Variants in HTR2C observed in about 807,000 individuals in gnomAD.
HTR2C encodes the protein 5-hydroxytryptamine receptor 2C, also known as 5-hydroxytryptamine (serotonin) receptor 2C, G protein-coupled.
A neutral mutation model predicts 21.0 loss-of-function variants in HTR2C; 5 were observed. The observed-to-expected ratio is 0.24, with a 90% CI of 0.12 to 0.50. HTR2C has a LOEUF of 0.50. Among genes scored for constraint, HTR2C ranks in the 20% least tolerant of loss-of-function variants. The probability of loss-of-function intolerance (pLI) is 0.98; values close to 1 mark genes in which losing one functional copy is unlikely to be tolerated. For missense variants in HTR2C, 271 were observed against 371.2 expected (o/e 0.73, Z 2.22); for synonymous variants, 150 against 145.3 (o/e 1.03, Z -0.23).
rs139483059 is a variant in HTR2C at position 114,605,998 on chromosome X, G to C, written c.-146-7817G>C. On this transcript the variant is annotated intron_variant, in intron 1 of 5. Coordinates refer to ENST00000276198, the MANE Select transcript of HTR2C (RefSeq NM_000868.4). ...ATACGAGGTTGGGGTGCAGAAATAA[G>C]GGATTGGGGCACAGTGATAAGAGGT... 8.0e-3 allele frequency among the ~76,000 whole-genome samples: 859 copies of C among 107,465 alleles called. 10 individuals are homozygous for C. The highest frequency in any genetic ancestry group is 0.028 in the African/African-American group (824 of 29,308). 93.3% of individuals were successfully genotyped at this position (107,465 alleles called of 115,157 possible).
At chrX:114,597,023 G>A (rs1211316885) in intron 1 of HTR2C, among the ~76,000 whole-genome samples, 1 of 110,059 alleles carries the variant, frequency 9.1e-6, no homozygotes, top group African/African-American at 3.3e-5. Context: ...TTCGAGACCA[G>A]CCTGGCCTAC....
chrX:114,641,674 T>G (rs908506861), intron 2 of HTR2C, among the ~76,000 whole-genome samples: 1 of 112,244 alleles, frequency 8.9e-6, no homozygotes, highest in Non-Finnish European at 1.9e-5. Context: ...AGCAGAGAAG[T>G]ATGACTACAT....
chrX:114,703,337 G>T (rs1424172408), intron 2 of HTR2C, among the ~76,000 whole-genome samples: 1 of 109,780 alleles, frequency 9.1e-6, no homozygotes, highest in African/African-American at 3.3e-5. Flanking sequence ...AAATGTAAAA[G>T]AACAGAAATT....
At chrX:114,897,920 C>T (rs1247565102) in intron 5 of HTR2C, among the ~76,000 whole-genome samples, 1 of 111,882 alleles carries the variant, frequency 8.9e-6, no homozygotes, top group African/African-American at 3.3e-5. Flanking sequence ...GGGTATATAC[C>T]CAGTAATGGG....
chrX:114,680,697 C>G (rs1388464409), intron 2 of HTR2C, among the ~76,000 whole-genome samples: 1 of 111,376 alleles, frequency 9.0e-6, no homozygotes, highest in African/African-American at 3.3e-5. Flanking sequence ...TCTCTTGTTT[C>G]TAAGAAACAG....
At chrX:114,673,746 A>C (rs897269357) in intron 2 of HTR2C, among the ~76,000 whole-genome samples, 1 of 109,883 alleles carries the variant, frequency 9.1e-6, no homozygotes, top group Non-Finnish European at 1.9e-5. Flanking sequence ...TTTTAAAACT[A>C]TTTTTTTTCA....
intron 4 of HTR2C, among the ~76,000 whole-genome samples, chrX:114,748,961 A>C (rs1313476866): frequency 8.9e-6 from 1 of 111,983 alleles, no homozygotes; most frequent in Non-Finnish European, 1.9e-5. Context: ...ATTGATAAAG[A>C]ATATTCAGCA....
chrX:114,601,219 A>G lies in HTR2C; in HGVS notation c.-146-12596A>G, dbSNP rs782418297. 4.5e-5 allele frequency among the ~76,000 whole-genome samples: 5 copies of G among 111,223 alleles called. No homozygotes were observed. The South Asian group carries it at 1.9e-3, about 42-fold the overall frequency. On this transcript the variant is annotated intron_variant, in intron 1 of 5. Transcript: ENST00000276198. ...CAATTTAAGCAAGAAGACAGTTGAG[A>G]GGAAGAGATAGGCTTGCAAATCAAG...
chrX:114,690,856 A>G (rs992993846), intron 2 of HTR2C, among the ~76,000 whole-genome samples: 2 of 111,624 alleles, frequency 1.8e-5, no homozygotes, highest in African/African-American at 6.5e-5. Flanking sequence ...TGGAAAACAT[A>G]TGACTTATAC....
In HTR2C at chrX:114,807,436, CATATATATACCATATATATACGCCAT is replaced by C. The variant is rs1556450837; in HGVS notation, c.350-40545_350-40520del. Among the ~76,000 whole-genome samples the C allele has an allele frequency of 3.9e-4, 29 of 74,388 alleles. 1 individual carries two copies. Among genetic ancestry groups the C allele is most frequent in the Admixed American group, 1.7e-3 (9 of 5,446 alleles). The allele number at this position is 74,388 out of a possible 115,157, so 64.6% of individuals were successfully genotyped here. On this transcript the variant is annotated intron_variant, in intron 4 of 5. Coordinates refer to ENST00000276198, the MANE Select transcript of HTR2C (RefSeq NM_000868.4). Reference sequence around the variant, plus strand: ...CCATATCTATACCATATATATACGCCATATATATACCATATATATACGCCATATATATATACCATATATATACATCA... The same window carrying C: ...CCATATCTATACCATATATATACGCCATATATATACCATATATATACATCA...
chrX:114,775,137 G>A, intron 4 of HTR2C: 1 of 523,067 alleles, frequency 1.9e-6, no homozygotes, highest in Non-Finnish European at 3.5e-6. Flanking sequence ...GGAATGCATA[G>A]GACTCAAGTG....
chrX:114,660,771 A>G (rs782022516), intron 2 of HTR2C, among the ~76,000 whole-genome samples: 8 of 112,288 alleles, frequency 7.1e-5, no homozygotes, highest in Non-Finnish European at 1.3e-4. Flanking sequence ...AATAAGGTAT[A>G]CTGTCAAATA....
At chrX:114,739,246 C>T (rs181633968) in intron 4 of HTR2C, among the ~76,000 whole-genome samples, 17 of 111,275 alleles carry the variant, frequency 1.5e-4, no homozygotes, top group Admixed American at 9.6e-4. Context: ...TATGAGCATG[C>T]CTTATGTTTC....
At chrX:114,858,661 AT>A (rs1203261393) in intron 5 of HTR2C, among the ~76,000 whole-genome samples, 1 of 111,164 alleles carries the variant, frequency 9.0e-6, no homozygotes, top group Non-Finnish European at 1.9e-5. Context: ...TTTTTCTTCT[AT>A]CTTAAAAATT....
intron 2 of HTR2C, among the ~76,000 whole-genome samples, chrX:114,677,850 C>T (rs1247128042): frequency 2.7e-5 from 3 of 111,350 alleles, no homozygotes; most frequent in Non-Finnish European, 5.7e-5. Context: ...GGAAATATTA[C>T]TGTGTCCATT....
At chrX:114,726,992 T>G (rs1262580699) in intron 3 of HTR2C, 21 bp downstream of exon 3, 1 of 986,430 alleles carries the variant, frequency 1.0e-6, no homozygotes, top group Non-Finnish European at 1.4e-6. Context: ...TACTACTTAT[T>G]ATTTTAGTAA....
chrX:114,644,215 G>A (rs1556406978), intron 2 of HTR2C, among the ~76,000 whole-genome samples: 4 of 104,415 alleles, frequency 3.8e-5, no homozygotes, highest in South Asian at 4.3e-4. Context: ...GCATGGTGGC[G>A]CACACCTGTA....
At position 114,906,905 on chromosome X, in the gene HTR2C, A is replaced by G; in HGVS notation, c.867A>G (p.Arg289=). The G allele has an allele frequency of 8.3e-6, 10 of 1,211,612 alleles. No individual in the cohort carries two copies. Among genetic ancestry groups the G allele is most frequent in the Non-Finnish European group, 1.1e-5 (10 of 895,494 alleles). ...ACCAAGACCAGAACGCACGCCGAAG[A>G]AAGAAGAAGGAGAGACGTCCTAGGG... ...NPNQDQNARR[R]KKKERRPRGT... Residue 289 remains arginine (R), a synonymous_variant, in exon 6 of 6, where the codon AGA becomes AGG. Coordinates refer to ENST00000276198, the MANE Select transcript of HTR2C (RefSeq NM_000868.4).
chrX:114,817,121 A>G (rs1457921205), intron 4 of HTR2C, among the ~76,000 whole-genome samples: 2 of 110,932 alleles, frequency 1.8e-5, no homozygotes, highest in African/African-American at 6.6e-5. Context: ...ATTTGAGACA[A>G]TTTTTAATAA....
Sources: gnomAD v4.1 joint callset for allele counts (sites outside exome capture counted in the v4.1 genomes callset) on GRCh38, gnomAD v4.1.1 for gene constraint, MANE v1.5 for transcripts, NCBI Gene and HGNC (gene_info 2026-07-23, HGNC 2026-07-21) for gene names.